MCUB: variants seen among roughly 807,000 people sequenced by gnomAD.
MCUB encodes mitochondrial calcium uniporter dominant negative subunit beta.
Under a neutral mutation model 41.4 loss-of-function variants are expected in MCUB, and 46 were observed. That is an observed-to-expected ratio of 1.11 (90% confidence interval 0.88 to 1.42). MCUB has a LOEUF of 1.42. Among genes scored for constraint, MCUB ranks in the 40% most tolerant of loss-of-function variants. The pLI is 0.00. For synonymous variants in MCUB, 148 were observed against 148.2 expected (o/e 1.00, Z 0.01); for missense variants, 403 against 404.9 (o/e 1.00, Z 0.04).
intron 1 of MCUB, among the ~76,000 whole-genome samples, chr4:109,623,712 C>G (rs932917437): frequency 3.3e-5 from 5 of 152,164 alleles, no homozygotes; most frequent in Admixed American, 3.3e-4. Context: ...AGAATGTGAG[C>G]AAGCATTCGC....
chr4:109,678,031 G>GA (rs1415014946), intron 4 of MCUB, among the ~76,000 whole-genome samples: 10 of 152,060 alleles, frequency 6.6e-5, no homozygotes, highest in Middle Eastern at 3.4e-3. Context: ...TAACGAGTAT[G>GA]CTGCCTTCAG....
intron 1 of MCUB, among the ~76,000 whole-genome samples, chr4:109,585,618 T>G (rs540946866): frequency 2.6e-5 from 4 of 152,358 alleles, no homozygotes; most frequent in Non-Finnish European, 5.9e-5. Flanking sequence ...AGTGCTTCCT[T>G]CAGGAGCTCT....
chr4:109,668,093 T>C (rs1729383612), intron 4 of MCUB, among the ~76,000 whole-genome samples: 1 of 152,072 alleles, frequency 6.6e-6, no homozygotes, highest in African/African-American at 2.4e-5. Context: ...CCCTGTGAAC[T>C]TGAGAATGTG....
rs1432625119 is a variant in MCUB at position 109,678,245 on chromosome 4, C to T, written c.452-4337C>T. Among the ~76,000 whole-genome samples, 9 of 152,190 alleles carry T rather than the reference C, an allele frequency of 5.9e-5. No individual in the cohort carries two copies. The South Asian group carries it at 1.9e-3, about 32-fold the overall frequency. On this transcript the variant is annotated intron_variant, in intron 4 of 7. Coordinates refer to ENST00000394650, the MANE Select transcript of MCUB (RefSeq NM_017918.5). The stretch of plus-strand genomic sequence containing the variant: ...TGCACAGACACAGTAACAATCTGAT[C>T]TCTCTTTCTTTTCCCCACATTTCCC...
At chr4:109,683,930 T>A (rs1006228071) in intron 5 of MCUB, among the ~76,000 whole-genome samples, 1 of 152,214 alleles carries the variant, frequency 6.6e-6, no homozygotes, top group Non-Finnish European at 1.5e-5. Context: ...ACCTTTATAG[T>A]TTTAAAGAGT....
intron 1 of MCUB, among the ~76,000 whole-genome samples, chr4:109,610,740 C>T (rs1184683752): frequency 1.3e-5 from 2 of 152,100 alleles, no homozygotes; most frequent in South Asian, 2.1e-4. Flanking sequence ...GATGGCATAG[C>T]CTGTTACAAA....
chr4:109,587,267 G>T (rs1163552566), intron 1 of MCUB, among the ~76,000 whole-genome samples: 1 of 152,246 alleles, frequency 6.6e-6, no homozygotes, highest in African/African-American at 2.4e-5. Flanking sequence ...CACTGAGCCA[G>T]GCACAGGATA....
intron 4 of MCUB, among the ~76,000 whole-genome samples, chr4:109,668,677 T>A (rs1179734696): frequency 6.6e-6 from 1 of 152,016 alleles, no homozygotes; most frequent in Non-Finnish European, 1.5e-5. Context: ...TATTTGCTAC[T>A]GTTTTCTATT....
intron 1 of MCUB, among the ~76,000 whole-genome samples, chr4:109,570,855 A>C (rs768043337): frequency 2.0e-5 from 3 of 152,228 alleles, no homozygotes; most frequent in Admixed American, 6.5e-5. Context: ...GAATGTAAAG[A>C]TGTGTAGAGA....
In MCUB at chr4:109,565,649, A is replaced by G. The variant is rs191436328; in HGVS notation, c.99+5213A>G. 3.9e-3 allele frequency among the ~76,000 whole-genome samples: 590 copies of G among 152,296 alleles called. 1 individual carries two copies. The highest frequency in any genetic ancestry group is 6.8e-3 in the Non-Finnish European group (461 of 68,020). On this transcript the variant is annotated intron_variant, in intron 1 of 7. Coordinates refer to ENST00000394650, the MANE Select transcript of MCUB (RefSeq NM_017918.5). ...TGGCTGAGATAATGCTGTTTCGTTCATTATCTAATGGTTGATAACTTCTAG... is the reference window on the plus strand; with the variant it reads ...TGGCTGAGATAATGCTGTTTCGTTCGTTATCTAATGGTTGATAACTTCTAG...
At chr4:109,674,009 T>C in intron 4 of MCUB, 1 of 1,207,194 alleles carries the variant, frequency 8.3e-7, no homozygotes, top group Non-Finnish European at 1.2e-6. Context: ...AATACTAAAA[T>C]GTCCATTCAT....
chr4:109,612,339 T>A (rs1281573754), intron 1 of MCUB, among the ~76,000 whole-genome samples: 3 of 146,298 alleles, frequency 2.1e-5, no homozygotes, highest in Admixed American at 7.1e-5. Flanking sequence ...TGATCCCGGC[T>A]CGCTGCAACC....
chr4:109,656,396 G>T (rs1410942330), intron 1 of MCUB, among the ~76,000 whole-genome samples: 3 of 80,584 alleles, frequency 3.7e-5, no homozygotes, highest in South Asian at 4.6e-4. Flanking sequence ...TTTTTTTGGA[G>T]ACAGGGTTTC....
Position 109,659,030 on chromosome 4 carries a change from G to A in MCUB, c.119G>A (p.Cys40Tyr). The change falls in exon 2 of 8, where the codon TGT (cysteine) becomes TAT (tyrosine). Residue 40 changes from cysteine (C) to tyrosine (Y), a missense_variant. By Grantham distance (194) the Cys-to-Tyr change is radical. Transcript: ENST00000394650. ...PPPQVLRVKL[C>Y]GNVKYYQSHH... The stretch of plus-strand genomic sequence containing the variant: ...TTGTAGGTTTTGCGTGTGAAGCTGT[G>A]TGGAAATGTGAAATACTACCAGTCA... The A allele has an allele frequency of 1.1e-5, 17 of 1,541,664 alleles. No homozygotes were observed. Among genetic ancestry groups the A allele is most frequent in the Non-Finnish European group, 1.5e-5 (17 of 1,137,896 alleles).
At chr4:109,582,596 G>T (rs1232090090) in intron 1 of MCUB, among the ~76,000 whole-genome samples, 4 of 150,728 alleles carry the variant, frequency 2.7e-5, no homozygotes, top group Non-Finnish European at 5.9e-5. Context: ...TCAATTCTTG[G>T]CTTTTGTTGC....
At chr4:109,568,458 T>C (rs990189671) in intron 1 of MCUB, among the ~76,000 whole-genome samples, 1 of 152,090 alleles carries the variant, frequency 6.6e-6, no homozygotes, top group African/African-American at 2.4e-5. Context: ...TTGTGGCTTG[T>C]CATGTATTTT....
At chr4:109,599,125 G>T (rs561821773) in intron 1 of MCUB, among the ~76,000 whole-genome samples, 83 of 152,288 alleles carry the variant, frequency 5.5e-4, no homozygotes, top group African/African-American at 1.8e-3. Flanking sequence ...AAGCTCTGTC[G>T]TCCAAGAACA....
rs1163486009 is a variant in MCUB, at chr4:109,560,284, T to TG, written c.-53dup. The stretch of plus-strand genomic sequence containing the variant: ...ACCAGGCGCTGACGAGGAGCCCGGC[T>TG]GAGGGAGGATGCGCCGCTGACGCCT... On this transcript the variant is annotated 5_prime_UTR_variant, in exon 1 of 8. Coordinates refer to ENST00000394650, the MANE Select transcript of MCUB (RefSeq NM_017918.5). 3.3e-6 allele frequency: 3 copies of TG among 920,128 alleles called. No individual in the cohort carries two copies. Among genetic ancestry groups the TG allele is most frequent in the Non-Finnish European group, 4.3e-6 (3 of 702,272 alleles). The allele number at this position is 920,128 out of a possible 1,614,324, so 57.0% of individuals were successfully genotyped here.
chr4:109,587,358 G>A (rs932726184), intron 1 of MCUB, among the ~76,000 whole-genome samples: 12 of 152,202 alleles, frequency 7.9e-5, no homozygotes, highest in African/African-American at 1.7e-4. Flanking sequence ...TCTGGGTACC[G>A]TCTGTCACGG....
Sources: allele counts gnomAD v4.1 joint callset (sites outside exome capture counted in the v4.1 genomes callset), GRCh38; gene constraint gnomAD v4.1.1; transcripts MANE v1.5; gene names NCBI Gene and HGNC (gene_info 2026-07-23, HGNC 2026-07-21).